BEND6: variants seen among roughly 807,000 people sequenced by gnomAD.
BEND6 encodes BEN domain containing 6.
Under a neutral mutation model 31.8 loss-of-function variants are expected in BEND6, and 24 were observed. The observed-to-expected ratio is 0.75, with a 90% confidence interval of 0.55 to 1.06. The LOEUF is 1.06. BEND6 is among the 50% of genes least tolerant of loss of function. The probability of loss-of-function intolerance (pLI) is 0.00; values close to 1 mark genes in which losing one functional copy is unlikely to be tolerated. For synonymous variants in BEND6, 109 were observed against 114.6 expected (o/e 0.95, Z 0.31); for missense variants, 294 against 327.4 (o/e 0.90, Z 0.79).
At chr6:57,017,423 TGTC>T in intron 5 of BEND6, 24 bp downstream of exon 5, 1 of 1,305,556 alleles carries the variant, frequency 7.7e-7, no homozygotes. Context: ...TGCGTTATAT[TGTC>T]GTATGAATTT....
intron 6 of BEND6, among the ~76,000 whole-genome samples, chr6:57,024,055 G>T (rs1197776120): frequency 2.0e-5 from 3 of 152,106 alleles, no homozygotes; most frequent in African/African-American, 7.2e-5. Context: ...TTATTACAAA[G>T]AAGTTTTAAA....
chr6:56,988,230 A>T lies in BEND6; in HGVS notation c.121-4148A>T, dbSNP rs566286105. 3.9e-4 allele frequency among the ~76,000 whole-genome samples: 59 copies of T among 151,912 alleles called. 1 individual carries two copies. Among genetic ancestry groups the T allele is most frequent in the African/African-American group, 1.4e-3 (58 of 41,434 alleles). On this transcript the variant is annotated intron_variant, in intron 2 of 6. Transcript: ENST00000370746. ...ACGGGGTTTCACCATGTTGGCCAGG[A>T]TGGTCTCGATTTCCTGACCTCGTGA...
Position 56,988,119 on chromosome 6 carries a change from G to A in BEND6, c.121-4259G>A, listed in dbSNP as rs368321857. Among the ~76,000 whole-genome samples, 9 of 150,960 alleles carry A rather than the reference G, an allele frequency of 6.0e-5. No individual in the cohort carries two copies. In the South Asian group the frequency reaches 8.4e-4, roughly 14 times the overall value. On this transcript the variant is annotated intron_variant, in intron 2 of 6. Coordinates refer to ENST00000370746, the MANE Select transcript of BEND6 (RefSeq NM_152731.3). Reference sequence around the variant, plus strand: ...ACAACCTCCGCCTCCTGGGTTCAACGGATTCTTCTGCCTCAGCCTCCCAGG... The same window carrying A: ...ACAACCTCCGCCTCCTGGGTTCAACAGATTCTTCTGCCTCAGCCTCCCAGG...
Position 56,995,563 on chromosome 6 carries a change from C to T in BEND6, c.298+3008C>T, listed in dbSNP as rs77551864. ...TGTCAGCAGGGCCATACTCCCCCTG[C>T]AGGTGCTAGGAATAATCTGTTCAGG... On this transcript the variant is annotated intron_variant, in intron 3 of 6. Coordinates refer to ENST00000370746, the MANE Select transcript of BEND6 (RefSeq NM_152731.3). Among the ~76,000 whole-genome samples, 166 of 152,314 alleles carry T rather than the reference C, an allele frequency of 1.1e-3. 3 individuals carry two copies. The East Asian group carries it at 0.026, about 24-fold the overall frequency.
chr6:56,992,978 A>G (rs1394925165), intron 3 of BEND6, among the ~76,000 whole-genome samples: 1 of 152,192 alleles, frequency 6.6e-6, no homozygotes, highest in Admixed American at 6.5e-5. Context: ...TTCTTCATGA[A>G]ATCACTGGAA....
chr6:56,968,312 C>CTTTTTTTT (rs779756084), intron 1 of BEND6, among the ~76,000 whole-genome samples: 101 of 65,966 alleles, frequency 1.5e-3, no homozygotes, highest in East Asian at 1.6e-3. Context: ...TCTTTCTTTT[C>CTTTTTTTT]TTTTTTTTTT....
rs199964177 is a variant in BEND6 at position 56,981,823 on chromosome 6, G to A, written c.13G>A (p.Val5Met). The change falls in exon 2 of 7, where the codon GTG becomes ATG. Residue 5 changes from valine to methionine, a missense_variant. By Grantham distance (21) the Val-to-Met change is conservative (BLOSUM62 1). Transcript: ENST00000370746. The stretch of plus-strand genomic sequence containing the variant: ...ACTAATTGAGAAAATGCAGAAGATC[G>A]TGCAGACAGATGAAATTACCAATAC... MQKIVQTDEITNTQA... is the reference protein window; with the variant it reads MQKIMQTDEITNTQA... 7.3e-4 allele frequency: 1,180 copies of A among 1,612,064 alleles called. No homozygotes were observed. Among genetic ancestry groups the A allele is most frequent in the Non-Finnish European group, 9.3e-4 (1,094 of 1,179,082 alleles).
At chr6:56,991,465 C>A (rs569394768) in intron 2 of BEND6, among the ~76,000 whole-genome samples, 1 of 151,978 alleles carries the variant, frequency 6.6e-6, no homozygotes, top group Non-Finnish European at 1.5e-5. Context: ...GCCTCTACCT[C>A]CCTTTAATCA....
chr6:57,014,677 C>G (rs1827466922), intron 3 of BEND6, among the ~76,000 whole-genome samples: 1 of 152,082 alleles, frequency 6.6e-6, no homozygotes, highest in South Asian at 2.1e-4. Flanking sequence ...ACACGAAGGT[C>G]ATAGAAAATT....
At chr6:56,997,166 A>G (rs894882641) in intron 3 of BEND6, among the ~76,000 whole-genome samples, 4 of 152,048 alleles carry the variant, frequency 2.6e-5, no homozygotes, top group Non-Finnish European at 5.9e-5. Flanking sequence ...ATCAGGCATG[A>G]TCTTGTCTTT....
At chr6:56,967,815 C>G (rs1309049734) in intron 1 of BEND6, among the ~76,000 whole-genome samples, 2 of 152,172 alleles carry the variant, frequency 1.3e-5, no homozygotes, top group Non-Finnish European at 2.9e-5. Context: ...TGATTAGCTG[C>G]TAAGTTCTGG....
intron 3 of BEND6, among the ~76,000 whole-genome samples, chr6:57,007,432 A>G (rs1456876057): frequency 6.6e-6 from 1 of 152,190 alleles, no homozygotes; most frequent in Non-Finnish European, 1.5e-5. Flanking sequence ...TGAAACTACT[A>G]GAAGAAAACA....
At chr6:57,024,552 G>A (rs776423497) in intron 6 of BEND6, among the ~76,000 whole-genome samples, 13 of 151,666 alleles carry the variant, frequency 8.6e-5, no homozygotes, top group East Asian at 1.9e-4. Flanking sequence ...TCTGGCCTGC[G>A]TGGTTTCTGT....
intron 1 of BEND6, among the ~76,000 whole-genome samples, chr6:56,958,963 AT>A (rs2127836296): frequency 6.6e-6 from 1 of 152,330 alleles, no homozygotes; most frequent in South Asian, 2.1e-4. Flanking sequence ...CTTTGCAGAA[AT>A]TTAACTCTAA....
intron 1 of BEND6, among the ~76,000 whole-genome samples, chr6:56,976,321 G>T (rs573424822): frequency 2.0e-5 from 3 of 149,922 alleles, no homozygotes; most frequent in Non-Finnish European, 4.4e-5. Context: ...TCAGCCTCCC[G>T]AGTAGCTGGG....
intron 3 of BEND6, chr6:57,011,004 C>A: frequency 3.6e-6 from 1 of 276,848 alleles, no homozygotes; most frequent in Non-Finnish European, 5.5e-6. Context: ...GCTAGGCACT[C>A]TTGTAACCAC....
At chr6:57,018,324 A>T in intron 5 of BEND6, 97 bp from the exon 6 acceptor site, 1 of 1,334,600 alleles carries the variant, frequency 7.5e-7, no homozygotes, top group Non-Finnish European at 1.0e-6. Flanking sequence ...TGGAAAAAAA[A>T]TTATAATGTA....
chr6:57,009,667 G>A (rs1827278686), intron 3 of BEND6: 1 of 152,176 alleles, frequency 6.6e-6, no homozygotes, highest in South Asian at 2.1e-4. Context: ...AGAAAGCAAG[G>A]AAGTTAGACC....
chr6:56,963,787 T>G (rs1177983626), intron 1 of BEND6, among the ~76,000 whole-genome samples: 3 of 148,646 alleles, frequency 2.0e-5, no homozygotes, highest in African/African-American at 7.3e-5. Flanking sequence ...TAATAAAATA[T>G]TACTATTAAT....
Sources: gnomAD v4.1 joint callset for allele counts (sites outside exome capture counted in the v4.1 genomes callset) on GRCh38, gnomAD v4.1.1 for gene constraint, MANE v1.5 for transcripts, NCBI Gene and HGNC (gene_info 2026-07-23, HGNC 2026-07-21) for gene names.